Variants in HEMK2 observed in about 807,000 individuals in gnomAD.
HEMK2 encodes the protein HemK methyltransferase 2, ETF1 glutamine and histone H4 lysine.
At chr21:28,831,318 C>A in the HEMK2 span, among the ~76,000 whole-genome samples, 1 of 150,368 alleles carries the variant, frequency 6.7e-6, no homozygotes, top group Admixed American at 6.7e-5. Flanking sequence ...TGGTAGCGGG[C>A]GCCTGTAATC....
the HEMK2 span, among the ~76,000 whole-genome samples, chr21:28,783,995 G>C: frequency 6.6e-6 from 1 of 152,224 alleles, no homozygotes; most frequent in Admixed American, 6.5e-5. Context: ...CCTCCCTGCG[G>C]GGCAGGGCTC....
At chr21:28,678,327 G>T in the HEMK2 span, among the ~76,000 whole-genome samples, 1 of 152,156 alleles carries the variant, frequency 6.6e-6, no homozygotes, top group African/African-American at 2.4e-5. Flanking sequence ...AATGAAACGA[G>T]AAGAGAAGTT....
chr21:28,812,726 T>C, the HEMK2 span, among the ~76,000 whole-genome samples: 1 of 152,206 alleles, frequency 6.6e-6, no homozygotes, highest in Admixed American at 6.5e-5. Context: ...CAGCTCCTCT[T>C]TGTACCTCTG....
At chr21:28,630,846 G>A in the HEMK2 span, among the ~76,000 whole-genome samples, 2 of 151,216 alleles carry the variant, frequency 1.3e-5, no homozygotes, top group South Asian at 4.2e-4. Flanking sequence ...GAGTTAATGG[G>A]TGCAGCACAC....
chr21:28,866,148 G>GAAAAAAAAA, the HEMK2 span, among the ~76,000 whole-genome samples: 62 of 17,430 alleles, frequency 3.6e-3, 12 homozygotes, highest in African/African-American at 6.9e-3. Flanking sequence ...TGTCTCTACA[G>GAAAAAAAAA]AAAAAACAAA....
the HEMK2 span, among the ~76,000 whole-genome samples, chr21:28,622,869 A>G: frequency 1.5e-4 from 23 of 152,304 alleles, no homozygotes; most frequent in African/African-American, 5.5e-4. Context: ...AAGACCTAAA[A>G]CCCTAAAAAC....
the HEMK2 span, among the ~76,000 whole-genome samples, chr21:28,617,361 C>G: frequency 6.6e-6 from 1 of 152,144 alleles, no homozygotes; most frequent in Non-Finnish European, 1.5e-5. Flanking sequence ...AATGAAAGAC[C>G]TTGCATGACA....
the HEMK2 span, among the ~76,000 whole-genome samples, chr21:28,843,187 A>T: frequency 6.6e-6 from 1 of 152,172 alleles, no homozygotes; most frequent in Admixed American, 6.6e-5. Flanking sequence ...ACAGCCCTGT[A>T]TTAGTCCATT....
chr21:28,835,821 C>G, the HEMK2 span, among the ~76,000 whole-genome samples: 278 of 151,992 alleles, frequency 1.8e-3, 4 homozygotes, highest in African/African-American at 6.3e-3. Context: ...AATTTTGGAC[C>G]ACTTTTAGAA....
the HEMK2 span, among the ~76,000 whole-genome samples, chr21:28,839,114 C>T: frequency 4.0e-5 from 6 of 148,690 alleles, no homozygotes; most frequent in South Asian, 2.1e-4. Flanking sequence ...GAATTAAAAA[C>T]GAAAATCACA....
At chr21:28,624,568 T>C in the HEMK2 span, among the ~76,000 whole-genome samples, 1 of 152,218 alleles carries the variant, frequency 6.6e-6, no homozygotes, top group Non-Finnish European at 1.5e-5. Context: ...GTCATGTGTC[T>C]GGTCCCATCA....
the HEMK2 span, among the ~76,000 whole-genome samples, chr21:28,602,139 T>G: frequency 6.6e-6 from 1 of 152,248 alleles, no homozygotes; most frequent in Non-Finnish European, 1.5e-5. Flanking sequence ...GGACTATTTC[T>G]GCATTTTTTT....
the HEMK2 span, among the ~76,000 whole-genome samples, chr21:28,741,770 T>C: frequency 3.3e-5 from 5 of 152,238 alleles, no homozygotes; most frequent in Admixed American, 3.3e-4. Flanking sequence ...CCATGGTGTA[T>C]ATGTACCACA....
chr21:28,604,721 T>G, the HEMK2 span, among the ~76,000 whole-genome samples: 1 of 152,202 alleles, frequency 6.6e-6, no homozygotes, highest in Admixed American at 6.5e-5. Flanking sequence ...CAAACCTCAG[T>G]GTCTCTATTG....
At chr21:28,829,656 T>C in the HEMK2 span, among the ~76,000 whole-genome samples, 1 of 152,212 alleles carries the variant, frequency 6.6e-6, no homozygotes, top group Non-Finnish European at 1.5e-5. Flanking sequence ...AGTATCCCAT[T>C]CTCAGCTGCA....
the HEMK2 span, among the ~76,000 whole-genome samples, chr21:28,813,906 C>T: frequency 2.6e-5 from 4 of 152,122 alleles, no homozygotes; most frequent in African/African-American, 4.8e-5. Context: ...CCCTTCCTTA[C>T]ACCTTAAACA....
the HEMK2 span, among the ~76,000 whole-genome samples, chr21:28,884,763 ACTTT>A: frequency 2.6e-5 from 4 of 152,284 alleles, no homozygotes; most frequent in Admixed American, 6.5e-5. Flanking sequence ...CAGTAACACA[ACTTT>A]CTTTCATGTT....
the HEMK2 span, among the ~76,000 whole-genome samples, chr21:28,680,213 G>T: frequency 6.6e-6 from 1 of 152,128 alleles, no homozygotes; most frequent in African/African-American, 2.4e-5. Flanking sequence ...AAATGACAAA[G>T]GGGATATCAC....
At chr21:28,676,565 G>A in the HEMK2 span, among the ~76,000 whole-genome samples, 9 of 152,112 alleles carry the variant, frequency 5.9e-5, no homozygotes, top group Non-Finnish European at 1.3e-4. Flanking sequence ...AGGGGGTCCC[G>A]AGAGAAACTC....
Sources: gnomAD v4.1 joint callset for allele counts (sites outside exome capture counted in the v4.1 genomes callset) on GRCh38, gnomAD v4.1.1 for gene constraint, MANE v1.5 for transcripts, NCBI Gene and HGNC (gene_info 2026-07-23, HGNC 2026-07-21) for gene names.